Variants in CSNK2A2IP observed in about 807,000 individuals in gnomAD.
The protein encoded by CSNK2A2IP is casein kinase II subunit alpha'-interacting protein.
the CSNK2A2IP span, chr3:88,467,499 C>A: frequency 4.0e-5 from 16 of 398,476 alleles, no homozygotes; most frequent in African/African-American, 3.1e-4. Context: ...CTGTGAGGAA[C>A]AACAATACAG....
the CSNK2A2IP span, among the ~76,000 whole-genome samples, chr3:88,388,169 A>G: frequency 2.0e-5 from 3 of 152,140 alleles, no homozygotes; most frequent in African/African-American, 4.8e-5. Flanking sequence ...TAACAATTCC[A>G]TGACGTCTTT....
chr3:88,383,560 G>A, the CSNK2A2IP span, among the ~76,000 whole-genome samples: 84 of 152,004 alleles, frequency 5.5e-4, no homozygotes, highest in Admixed American at 3.2e-3. Context: ...TATGGCCTAA[G>A]TGGCGTTTTT....
the CSNK2A2IP span, among the ~76,000 whole-genome samples, chr3:88,451,492 G>A: frequency 1.3e-5 from 2 of 150,668 alleles, no homozygotes; most frequent in Non-Finnish European, 3.0e-5. Flanking sequence ...CTGTCCTCTT[G>A]AGTAAGACAG....
the CSNK2A2IP span, among the ~76,000 whole-genome samples, chr3:88,390,232 G>C: frequency 6.6e-6 from 1 of 152,236 alleles, no homozygotes; most frequent in African/African-American, 2.4e-5. Flanking sequence ...AAATGAGGCT[G>C]GCAAACAGAC....
chr3:88,392,147 T>C, the CSNK2A2IP span, among the ~76,000 whole-genome samples: 1 of 152,086 alleles, frequency 6.6e-6, no homozygotes, highest in Non-Finnish European at 1.5e-5. Flanking sequence ...GAGGCTGGGG[T>C]GCCATTTTAA....
chr3:88,452,889 G>C, the CSNK2A2IP span, among the ~76,000 whole-genome samples: 1 of 152,078 alleles, frequency 6.6e-6, no homozygotes, highest in Non-Finnish European at 1.5e-5. Flanking sequence ...TTGGTGAGAG[G>C]CTCTTTTATG....
the CSNK2A2IP span, among the ~76,000 whole-genome samples, chr3:88,357,055 G>A: frequency 0.4 from 60,981 of 151,852 alleles, 14,505 homozygotes; most frequent in South Asian, 0.6. Context: ...CTCCTGTTTT[G>A]TGGGTTGTCT....
At chr3:88,347,551 T>G in the CSNK2A2IP span, among the ~76,000 whole-genome samples, 1 of 152,222 alleles carries the variant, frequency 6.6e-6, no homozygotes, top group African/African-American at 2.4e-5. Context: ...GTTAGCATTT[T>G]TTAGCAATAA....
chr3:88,406,460 A>C, the CSNK2A2IP span, among the ~76,000 whole-genome samples: 3 of 152,216 alleles, frequency 2.0e-5, no homozygotes, highest in Non-Finnish European at 4.4e-5. Flanking sequence ...TTTTTCTCTT[A>C]TCTCTCTAGA....
the CSNK2A2IP span, among the ~76,000 whole-genome samples, chr3:88,419,543 T>C: frequency 6.6e-6 from 1 of 152,216 alleles, no homozygotes; most frequent in Non-Finnish European, 1.5e-5. Flanking sequence ...TCTTTGCTAT[T>C]GTGAATCATG....
At chr3:88,426,779 G>T in the CSNK2A2IP span, among the ~76,000 whole-genome samples, 1 of 151,246 alleles carries the variant, frequency 6.6e-6, no homozygotes, top group Non-Finnish European at 1.5e-5. Context: ...CCAGTCCTAT[G>T]GAACTGTGAC....
the CSNK2A2IP span, among the ~76,000 whole-genome samples, chr3:88,430,520 T>C: frequency 6.6e-6 from 1 of 152,156 alleles, no homozygotes; most frequent in South Asian, 2.1e-4. Context: ...TAGTCATCCA[T>C]AGGATAAATT....
the CSNK2A2IP span, among the ~76,000 whole-genome samples, chr3:88,401,807 C>G: frequency 6.6e-6 from 1 of 151,532 alleles, no homozygotes; most frequent in South Asian, 2.1e-4. Context: ...AAAAGAAGAA[C>G]ACAGGGAAAA....
chr3:88,360,236 C>T, the CSNK2A2IP span, among the ~76,000 whole-genome samples: 3 of 151,652 alleles, frequency 2.0e-5, no homozygotes, highest in Admixed American at 2.0e-4. Context: ...CAGGTTCACG[C>T]CATTCTCCTG....
chr3:88,451,794 A>G, the CSNK2A2IP span, among the ~76,000 whole-genome samples: 76 of 151,350 alleles, frequency 5.0e-4, no homozygotes, highest in South Asian at 1.0e-3. Flanking sequence ...AATTTCCAGA[A>G]CACTTTCTTC....
At chr3:88,442,489 C>T in the CSNK2A2IP span, among the ~76,000 whole-genome samples, 1 of 151,980 alleles carries the variant, frequency 6.6e-6, no homozygotes. Flanking sequence ...ATCCACATAA[C>T]TAGAGTTGGT....
the CSNK2A2IP span, among the ~76,000 whole-genome samples, chr3:88,349,390 G>A: frequency 5.9e-5 from 9 of 152,100 alleles, no homozygotes; most frequent in Admixed American, 5.9e-4. Flanking sequence ...ATGGCATTTG[G>A]TTTTCCATTC....
the CSNK2A2IP span, among the ~76,000 whole-genome samples, chr3:88,411,882 T>A: frequency 6.6e-6 from 1 of 151,242 alleles, no homozygotes; most frequent in African/African-American, 2.4e-5. Context: ...TTTAGAAAGG[T>A]CAGCTTGAAT....
At chr3:88,367,112 A>C in the CSNK2A2IP span, among the ~76,000 whole-genome samples, 1 of 152,122 alleles carries the variant, frequency 6.6e-6, no homozygotes, top group Non-Finnish European at 1.5e-5. Context: ...CAGCCAAACC[A>C]TATCAGGGCA....
Sources: gnomAD v4.1 joint callset for allele counts (sites outside exome capture counted in the v4.1 genomes callset) on GRCh38, gnomAD v4.1.1 for gene constraint, MANE v1.5 for transcripts, NCBI Gene and HGNC (gene_info 2026-07-23, HGNC 2026-07-21) for gene names.